FHIT: variants seen among roughly 807,000 people sequenced by gnomAD.
FHIT encodes fragile histidine triad diadenosine triphosphatase.
A neutral mutation model predicts 17.9 loss-of-function variants in FHIT; 19 were observed. The observed-to-expected ratio is 1.06, with a 90% confidence interval of 0.74 to 1.56. The LOEUF (loss-of-function observed/expected upper bound fraction) is 1.56, where lower values mean the gene tolerates loss of function less well. Among genes scored for constraint, FHIT ranks in the 40% most tolerant of loss-of-function variants. FHIT has a pLI of 0.00. For missense variants in FHIT, 248 were observed against 189.2 expected, an observed-to-expected ratio of 1.31 and a Z score of -1.82; for synonymous variants, 81 against 69.7, an observed-to-expected ratio of 1.16 and a Z score of -0.81.
At chr3:60,779,230 A>G (rs1186130211) in intron 4 of FHIT, among the ~76,000 whole-genome samples, 1 of 152,228 alleles carries the variant, frequency 6.6e-6, no homozygotes, top group Non-Finnish European at 1.5e-5. Context: ...AGAGACAGAA[A>G]TTATGTTCCA....
chr3:60,382,985 A>C (rs1468932242), intron 5 of FHIT, among the ~76,000 whole-genome samples: 3 of 152,206 alleles, frequency 2.0e-5, no homozygotes, highest in Non-Finnish European at 4.4e-5. Context: ...AGCAGCACAC[A>C]AGCATCTGTA....
intron 5 of FHIT, among the ~76,000 whole-genome samples, chr3:60,084,422 T>C (rs757442112): frequency 6.6e-6 from 1 of 152,158 alleles, no homozygotes; most frequent in Non-Finnish European, 1.5e-5. Flanking sequence ...ACACATATAA[T>C]AGGCATCCAC....
At chr3:59,828,883 AAATTCCTTAGTT>A (rs1487799648) in intron 8 of FHIT, among the ~76,000 whole-genome samples, 1 of 128,252 alleles carries the variant, frequency 7.8e-6, no homozygotes, top group East Asian at 2.2e-4. Flanking sequence ...GTATCCTACC[AAATTCCTTAGTT>A]AATAAGCAAG....
At chr3:61,206,821 G>A (rs538013425) in intron 1 of FHIT, among the ~76,000 whole-genome samples, 1 of 152,074 alleles carries the variant, frequency 6.6e-6, no homozygotes, top group Non-Finnish European at 1.5e-5. Context: ...TTCTTCTCCT[G>A]CCTGATTGCC....
At chr3:60,291,820 A>T (rs1244138095) in intron 5 of FHIT, among the ~76,000 whole-genome samples, 1 of 152,068 alleles carries the variant, frequency 6.6e-6, no homozygotes, top group Non-Finnish European at 1.5e-5. Context: ...GATCACATGG[A>T]AAGAGAGGAA....
chr3:59,918,233 G>T (rs191184302), intron 8 of FHIT, among the ~76,000 whole-genome samples: 1 of 151,926 alleles, frequency 6.6e-6, no homozygotes. Context: ...TTTTAAATGT[G>T]TTCATTCATT....
intron 2 of FHIT, among the ~76,000 whole-genome samples, chr3:61,054,413 T>C (rs766242210): frequency 6.6e-6 from 1 of 152,152 alleles, no homozygotes; most frequent in Non-Finnish European, 1.5e-5. Flanking sequence ...TAAATTACTT[T>C]AAAAGGGTGA....
intron 8 of FHIT, among the ~76,000 whole-genome samples, chr3:59,759,206 G>C (rs1701375957): frequency 6.6e-6 from 1 of 152,080 alleles, no homozygotes; most frequent in Admixed American, 6.6e-5. Flanking sequence ...GAGAGGACTT[G>C]GGGGGATGGC....
At chr3:60,329,892 G>T (rs6773826) in intron 5 of FHIT, among the ~76,000 whole-genome samples, 80,015 of 152,004 alleles carry the variant, frequency 0.53, 22,603 homozygotes, top group South Asian at 0.72. Context: ...CTTTGAAAAA[G>T]ACTTGCATCT....
chr3:60,094,827 G>C (rs1254840037), intron 5 of FHIT, among the ~76,000 whole-genome samples: 1 of 151,346 alleles, frequency 6.6e-6, no homozygotes. Flanking sequence ...GAAGAAGAGA[G>C]AGAGAGAAGG....
intron 5 of FHIT, among the ~76,000 whole-genome samples, chr3:60,494,580 T>C (rs1260480663): frequency 6.6e-6 from 1 of 152,084 alleles, no homozygotes; most frequent in African/African-American, 2.4e-5. Context: ...TTCTATTTTT[T>C]TGTACTCATT....
At chr3:60,077,845 A>G (rs1053662986) in intron 5 of FHIT, among the ~76,000 whole-genome samples, 3 of 152,022 alleles carry the variant, frequency 2.0e-5, no homozygotes, top group Non-Finnish European at 4.4e-5. Flanking sequence ...TTTTTGTTAA[A>G]TAAGTAGATT....
At chr3:60,199,685 ATATT>A (rs1702808526) in intron 5 of FHIT, among the ~76,000 whole-genome samples, 1 of 152,138 alleles carries the variant, frequency 6.6e-6, no homozygotes, top group African/African-American at 2.4e-5. Flanking sequence ...TTATCCTGAG[ATATT>A]TAAATTTCCA....
At chr3:60,291,265 C>A (rs1221666098) in intron 5 of FHIT, among the ~76,000 whole-genome samples, 2 of 152,066 alleles carry the variant, frequency 1.3e-5, no homozygotes, top group Non-Finnish European at 2.9e-5. Flanking sequence ...GTCTGATTTA[C>A]ATAGGGTGAA....
At chr3:60,733,483 C>T (rs1358501906) in intron 4 of FHIT, among the ~76,000 whole-genome samples, 4 of 152,230 alleles carry the variant, frequency 2.6e-5, no homozygotes, top group Non-Finnish European at 1.5e-5. Flanking sequence ...GCTGACAGAT[C>T]GAGACCTCTG....
At chr3:61,051,364 C>G (rs1018666112) in intron 2 of FHIT, among the ~76,000 whole-genome samples, 1 of 152,078 alleles carries the variant, frequency 6.6e-6, no homozygotes, top group Non-Finnish European at 1.5e-5. Flanking sequence ...ATCCTTCCAC[C>G]TCAGCCTCCC....
In FHIT at chr3:61,216,451, G is replaced by C. The variant is rs200003404; in HGVS notation, c.-212-15786C>G. On this transcript the variant is annotated intron_variant, in intron 1 of 9. Transcript: ENST00000492590. Reference sequence around the variant, plus strand: ...AATCAAAACCACAATGAGATACCATGTTACACCAGTTAGAATGGCAATCAT... The same window carrying C: ...AATCAAAACCACAATGAGATACCATCTTACACCAGTTAGAATGGCAATCAT... Among the ~76,000 whole-genome samples the C allele has an allele frequency of 3.7e-4, 57 of 152,248 alleles. 1 individual carries two copies. The East Asian group carries it at 8.1e-3, about 22-fold the overall frequency.
At chr3:60,820,701 G>C (rs1294421913) in intron 4 of FHIT, among the ~76,000 whole-genome samples, 1 of 152,184 alleles carries the variant, frequency 6.6e-6, no homozygotes, top group Non-Finnish European at 1.5e-5. Flanking sequence ...AGTGGATACA[G>C]GAAACTGGGA....
intron 5 of FHIT, among the ~76,000 whole-genome samples, chr3:60,136,294 G>C (rs955382935): frequency 6.6e-6 from 1 of 152,140 alleles, no homozygotes; most frequent in African/African-American, 2.4e-5. Context: ...CTGAATGCAA[G>C]TGTAACTAGT....
Sources: gnomAD v4.1 joint callset for allele counts (sites outside exome capture counted in the v4.1 genomes callset) on GRCh38, gnomAD v4.1.1 for gene constraint, MANE v1.5 for transcripts, NCBI Gene and HGNC (gene_info 2026-07-23, HGNC 2026-07-21) for gene names.